The following F13A1 variants were observed in gnomAD, a reference collection of about 807,000 sequenced individuals.
F13A1 encodes the protein coagulation factor XIII A chain.
Under a neutral mutation model 80.1 loss-of-function variants are expected in F13A1, and 47 were observed. That is an observed-to-expected ratio of 0.59 (90% CI 0.46 to 0.75). The LOEUF (loss-of-function observed/expected upper bound fraction) is 0.75, where lower values mean the gene tolerates loss of function less well. Ranked by LOEUF, F13A1 falls within the 30% of genes least tolerant of loss-of-function variation. The probability of loss-of-function intolerance (pLI) is 0.00; values close to 1 mark genes in which losing one functional copy is unlikely to be tolerated. For synonymous variants in F13A1, 349 were observed against 344.9 expected (o/e 1.01, Z -0.13); for missense variants, 817 against 930.4 (o/e 0.88, Z 1.59).
chr6:6,236,916 G>A (rs764491345), intron 6 of F13A1, among the ~76,000 whole-genome samples: 4 of 152,112 alleles, frequency 2.6e-5, no homozygotes, highest in Non-Finnish European at 5.9e-5. Context: ...CAAATCCCCA[G>A]CTACAGTGTG....
chr6:6,319,466 T>G (rs1289060422), intron 1 of F13A1, among the ~76,000 whole-genome samples: 1 of 152,166 alleles, frequency 6.6e-6, no homozygotes, highest in Non-Finnish European at 1.5e-5. Context: ...CAAGCCTGCT[T>G]CCCCTTCCCT....
chr6:6,306,701 G>T (rs1042826213), intron 2 of F13A1, among the ~76,000 whole-genome samples: 1 of 152,214 alleles, frequency 6.6e-6, no homozygotes, highest in Non-Finnish European at 1.5e-5. Context: ...GGGTGCCCTG[G>T]CCTCTTGCCC....
intron 4 of F13A1, among the ~76,000 whole-genome samples, chr6:6,259,841 G>C (rs1757754587): frequency 6.6e-6 from 1 of 152,176 alleles, no homozygotes; most frequent in African/African-American, 2.4e-5. Context: ...TCCCTTAAAG[G>C]TAACTGATGC....
At chr6:6,235,040 G>A (rs1264126318) in intron 6 of F13A1, among the ~76,000 whole-genome samples, 3 of 151,902 alleles carry the variant, frequency 2.0e-5, no homozygotes, top group Non-Finnish European at 4.4e-5. Context: ...TATGGATAAA[G>A]GATAATCATT....
At chr6:6,235,409 A>T (rs1344988585) in intron 6 of F13A1, among the ~76,000 whole-genome samples, 1 of 152,090 alleles carries the variant, frequency 6.6e-6, no homozygotes, top group Non-Finnish European at 1.5e-5. Context: ...ACTTGTATCC[A>T]GAATATGTAA....
chr6:6,266,487 T>G, intron 4 of F13A1, 71 bp downstream of exon 4: 1 of 1,612,166 alleles, frequency 6.2e-7, no homozygotes, highest in Non-Finnish European at 8.5e-7. Context: ...GCTGGGAGTA[T>G]AGGCATGTGC....
chr6:6,300,423 G>T (rs909781105), intron 3 of F13A1, among the ~76,000 whole-genome samples: 2 of 151,776 alleles, frequency 1.3e-5, no homozygotes, highest in East Asian at 1.9e-4. Context: ...CTCTGATCCA[G>T]GTGCGGGATA....
chr6:6,151,789 C>T (rs371271959), intron 14 of F13A1, 24 bp downstream of exon 14: 85 of 1,613,738 alleles, frequency 5.3e-5, no homozygotes, highest in East Asian at 1.1e-4. Flanking sequence ...ACTGCCTGCC[C>T]GGTCTCCCCA....
intron 6 of F13A1, among the ~76,000 whole-genome samples, chr6:6,236,325 TC>T (rs1423085511): frequency 6.6e-6 from 1 of 152,110 alleles, no homozygotes; most frequent in Non-Finnish European, 1.5e-5. Flanking sequence ...GCTGTGAAAA[TC>T]AATGAAGACT....
At position 6,251,971 on chromosome 6, in the gene F13A1, CA is replaced by C. The variant is rs35518832; in HGVS notation, c.572-1043del. Among the ~76,000 whole-genome samples the C allele has an allele frequency of 3.9e-4, 57 of 146,938 alleles. No individual in the cohort carries two copies. In the South Asian group the frequency reaches 8.8e-3, roughly 23 times the overall value. Reference sequence around the variant, plus strand: ...TATGAAATATTTTTGCCCCTTCCTCCAAAAAAAAAATGCCACTTGGAGCTGA... The same window carrying C: ...TATGAAATATTTTTGCCCCTTCCTCCAAAAAAAAATGCCACTTGGAGCTGA... On this transcript the variant is annotated intron_variant, in intron 4 of 14. Transcript: ENST00000264870.
rs1227506118 is a variant in F13A1 at position 6,305,586 on chromosome 6, T to C, written c.131-47A>G. The C allele has an allele frequency of 3.8e-6, 6 of 1,588,890 alleles. No individual in the cohort carries two copies. The East Asian group carries it at 1.3e-4, about 36-fold the overall frequency. ...GTTGAAGAAAATAATCAACTAACTT[T>C]AGTTTAAACATAAACTCAAAAACAA... is the stretch of plus-strand genomic sequence containing the variant. On this transcript the variant is annotated intron_variant, in intron 2 of 14. Transcript: ENST00000264870.
intron 2 of F13A1, among the ~76,000 whole-genome samples, chr6:6,312,149 G>A (rs2755418): frequency 0.73 from 110,092 of 150,742 alleles, 40,557 homozygotes; most frequent in East Asian, 0.86. Context: ...ACAGCTGATA[G>A]TATCAATTGT....
In F13A1 at chr6:6,145,587, AATGCCAGGGTTC is replaced by A; in HGVS notation, c.*20_*31del. On this transcript the variant is annotated 3_prime_UTR_variant, in exon 15 of 15. Coordinates refer to ENST00000264870, the MANE Select transcript of F13A1 (RefSeq NM_000129.4). ...CCTTAGCCAAGACTACAAGAGGCCA[AATGCCAGGGTTC>A]ATCTCAGCTTCCTGTGCATTCACAT... 6.2e-7 allele frequency: 1 copy of A among 1,614,132 alleles called. No individual in the cohort carries two copies.
chr6:6,237,238 T>C (rs1361549421), intron 6 of F13A1, among the ~76,000 whole-genome samples: 1 of 152,176 alleles, frequency 6.6e-6, no homozygotes, highest in East Asian at 1.9e-4. Flanking sequence ...TTTGCCAAGT[T>C]ATGTTGTAAG....
intron 2 of F13A1, among the ~76,000 whole-genome samples, chr6:6,318,144 A>G (rs1256567238): frequency 6.6e-6 from 1 of 152,254 alleles, no homozygotes; most frequent in East Asian, 1.9e-4. Flanking sequence ...TGCAAGCCAG[A>G]CAATCAAAAC....
intron 6 of F13A1, among the ~76,000 whole-genome samples, chr6:6,247,128 C>A (rs979749355): frequency 6.6e-5 from 10 of 152,226 alleles, no homozygotes; most frequent in African/African-American, 2.4e-4. Flanking sequence ...TCTATTTTTA[C>A]TTTTTATGCT....
Position 6,250,868 on chromosome 6 carries a change from C to T in F13A1, c.633G>A (p.Gly211=). 1 of 1,613,718 alleles carries T rather than the reference C, an allele frequency of 6.2e-7. No homozygotes were observed. Among genetic ancestry groups the T allele is most frequent in the Non-Finnish European group, 8.5e-7 (1 of 1,179,870 alleles). ...CATTGACCTCTCCATAAAAAATTAC[C>T]CCGATGTCATTCAGGACATACTCTT... ...EREEYVLNDI[G]VIFYGEVNDI... Residue 211 remains glycine (G), a synonymous_variant, in exon 5 of 15, where the codon GGG becomes GGA. Coordinates refer to ENST00000264870, the MANE Select transcript of F13A1 (RefSeq NM_000129.4). The surrounding 1 kb of genome is among the most constrained non-coding windows in gnomAD (Gnocchi z 4.2).
chr6:6,218,046 T>G (rs1757129990), intron 8 of F13A1, among the ~76,000 whole-genome samples: 1 of 152,116 alleles, frequency 6.6e-6, no homozygotes, highest in Admixed American at 6.6e-5. Flanking sequence ...GGTGGGTGCA[T>G]TCCGGTGGGG....
At chr6:6,258,464 A>T (rs1391146881) in intron 4 of F13A1, among the ~76,000 whole-genome samples, 2 of 152,220 alleles carry the variant, frequency 1.3e-5, no homozygotes, top group Non-Finnish European at 2.9e-5. Context: ...AAGAGACTCT[A>T]CAAGGAAGGA....
Sources: allele counts gnomAD v4.1 joint callset (sites outside exome capture counted in the v4.1 genomes callset), GRCh38; gene constraint gnomAD v4.1.1; non-coding constraint Gnocchi (gnomAD v3.1); transcripts MANE v1.5; gene names NCBI Gene and HGNC (gene_info 2026-07-23, HGNC 2026-07-21).